Variants in NTM observed in about 807,000 individuals in gnomAD.
NTM encodes the protein neurotrimin.
NTM carries 13 observed loss-of-function variants against 42.1 expected under a neutral mutation model. The ratio of observed to expected loss-of-function variants is 0.31; its 90% CI spans 0.20 to 0.49. The LOEUF (loss-of-function observed/expected upper bound fraction) is 0.49, where lower values mean the gene tolerates loss of function less well. Ranked by LOEUF, NTM falls within the 20% of genes least tolerant of loss-of-function variation. NTM has a pLI of 0.99. For synonymous variants in NTM, 187 were observed against 179.2 expected, an observed-to-expected ratio of 1.04 and a Z score of -0.35; for missense variants, 373 against 452.8, an observed-to-expected ratio of 0.82 and a Z score of 1.60.
At position 131,599,334 on chromosome 11, in the gene NTM, GCC is replaced by G. The variant is rs1173932534; in HGVS notation, c.82+228448_82+228449del. ...CCTGTCTACCCAGTCTCCGGCAGAT[GCC>G]CTGTCTACCCAGTCTCCGGCAGATG... On this transcript the variant is annotated intron_variant, in intron 1 of 8. Transcript: ENST00000683400. Among the ~76,000 whole-genome samples, 4 of 151,944 alleles carry G rather than the reference GCC, an allele frequency of 2.6e-5. 1 individual carries two copies. The East Asian group carries it at 5.8e-4, about 22-fold the overall frequency.
intron 2 of NTM, among the ~76,000 whole-genome samples, chr11:132,032,859 T>C (rs554569103): frequency 6.6e-6 from 1 of 152,312 alleles, no homozygotes; most frequent in South Asian, 2.1e-4. Flanking sequence ...GTGTATATAT[T>C]TTTCCCTAAC....
intron 1 of NTM, among the ~76,000 whole-genome samples, chr11:131,627,956 C>T (rs1592278475): frequency 6.6e-6 from 1 of 152,292 alleles, no homozygotes; most frequent in East Asian, 1.9e-4. Context: ...GGAAATAGAA[C>T]TTCCATAGAG....
At chr11:132,044,781 C>T (rs139435059) in intron 2 of NTM, among the ~76,000 whole-genome samples, 2,579 of 152,114 alleles carry the variant, frequency 0.017, 62 homozygotes, top group African/African-American at 0.056. Flanking sequence ...AAAATCTAGA[C>T]GAAATGGATA....
intron 1 of NTM, among the ~76,000 whole-genome samples, chr11:131,754,574 G>A (rs1409543723): frequency 2.7e-5 from 4 of 150,836 alleles, no homozygotes; most frequent in East Asian, 1.9e-4. Flanking sequence ...GCAGTGAGCC[G>A]AGATTGCACC....
intron 1 of NTM, among the ~76,000 whole-genome samples, chr11:131,820,105 G>C (rs904121165): frequency 2.0e-5 from 3 of 152,162 alleles, no homozygotes; most frequent in African/African-American, 7.2e-5. Flanking sequence ...AGCCCGCTGA[G>C]AGAAATAATA....
chr11:131,708,967 C>T (rs1263362688), intron 1 of NTM, among the ~76,000 whole-genome samples: 1 of 152,140 alleles, frequency 6.6e-6, no homozygotes, highest in Non-Finnish European at 1.5e-5. Context: ...TAACGGTCCT[C>T]ACTTGGAAGG....
chr11:132,126,459 A>G (rs1291020414), intron 2 of NTM, among the ~76,000 whole-genome samples: 1 of 152,162 alleles, frequency 6.6e-6, no homozygotes, highest in African/African-American at 2.4e-5. Flanking sequence ...AGAGGCTGAC[A>G]AAATGAGGCG....
Position 132,047,307 on chromosome 11 carries a change from C to G in NTM, c.168-98975C>G, listed in dbSNP as rs188506692. Among the ~76,000 whole-genome samples the G allele has an allele frequency of 3.3e-5, 5 of 152,338 alleles. No individual in the cohort carries two copies. The East Asian group carries it at 9.6e-4, about 29-fold the overall frequency. ...ATTTCACACAAAGTCTCCAGGCCAGCCTGATGCTGAATTCTGAATATCCCT... is the reference window on the plus strand; with the variant it reads ...ATTTCACACAAAGTCTCCAGGCCAGGCTGATGCTGAATTCTGAATATCCCT... On this transcript the variant is annotated intron_variant, in intron 2 of 8. Coordinates refer to ENST00000683400, the MANE Select transcript of NTM (RefSeq NM_001352005.2).
intron 2 of NTM, among the ~76,000 whole-genome samples, chr11:131,958,696 A>G (rs1253022205): frequency 1.3e-5 from 2 of 152,184 alleles, no homozygotes; most frequent in African/African-American, 4.8e-5. Context: ...TTGGCCTCCC[A>G]CAAACCAAGC....
intron 1 of NTM, among the ~76,000 whole-genome samples, chr11:131,543,333 C>T (rs1430028782): frequency 2.6e-5 from 4 of 152,174 alleles, no homozygotes; most frequent in Admixed American, 6.6e-5. Context: ...AGCATCACTT[C>T]CAGAGAAACA....
At chr11:131,414,994 A>G (rs1946796661) in intron 1 of NTM, among the ~76,000 whole-genome samples, 1 of 152,190 alleles carries the variant, frequency 6.6e-6, no homozygotes. Flanking sequence ...TCCTAGTGTG[A>G]ACAATTGTGA....
intron 1 of NTM, among the ~76,000 whole-genome samples, chr11:131,713,342 C>T (rs1187030851): frequency 6.6e-6 from 1 of 152,170 alleles, no homozygotes; most frequent in Non-Finnish European, 1.5e-5. Context: ...AGTTCTCTCT[C>T]CAACCATTTC....
intron 2 of NTM, among the ~76,000 whole-genome samples, chr11:131,979,090 C>T (rs1304584085): frequency 6.6e-6 from 1 of 151,982 alleles, no homozygotes; most frequent in Non-Finnish European, 1.5e-5. Context: ...ATTCTTGAAT[C>T]CATGAAGCTA....
At chr11:132,181,415 G>A (rs1207815074) in intron 3 of NTM, among the ~76,000 whole-genome samples, 3 of 152,176 alleles carry the variant, frequency 2.0e-5, no homozygotes, top group Non-Finnish European at 4.4e-5. Flanking sequence ...ATTACAAGTT[G>A]TCTATTGAGA....
rs554499193 is a variant in NTM at position 132,304,675 on chromosome 11, G to A, written c.527-3014G>A. Among the ~76,000 whole-genome samples, 4 of 152,272 alleles carry A rather than the reference G, an allele frequency of 2.6e-5. No individual in the cohort carries two copies. In the East Asian group the frequency reaches 7.7e-4, roughly 29 times the overall value. On this transcript the variant is annotated intron_variant, in intron 4 of 8. Transcript: ENST00000683400. ...TCTGGTTTTGCCATATATGCCTCTA[G>A]TAGAGAAAAAGGTGGGTGAGGAGAA...
chr11:132,026,908 A>G (rs1160434358), intron 2 of NTM, among the ~76,000 whole-genome samples: 1 of 152,198 alleles, frequency 6.6e-6, no homozygotes, highest in Non-Finnish European at 1.5e-5. Context: ...CATTGTTTCT[A>G]TCCTCATGTT....
At chr11:131,457,727 C>T (rs550552874) in intron 1 of NTM, among the ~76,000 whole-genome samples, 1 of 152,058 alleles carries the variant, frequency 6.6e-6, no homozygotes. Context: ...GTCCTCCCCC[C>T]CCAAATTTAT....
At chr11:131,662,671 G>A (rs943438787) in intron 1 of NTM, among the ~76,000 whole-genome samples, 23 of 152,274 alleles carry the variant, frequency 1.5e-4, no homozygotes, top group African/African-American at 4.3e-4. Context: ...GTTTTTGAGC[G>A]TGTTCACAGA....
chr11:132,097,509 C>T (rs1253871362), intron 2 of NTM, among the ~76,000 whole-genome samples: 2 of 152,206 alleles, frequency 1.3e-5, no homozygotes, highest in Admixed American at 6.5e-5. Flanking sequence ...AAGACGACTT[C>T]CATCTCTTCT....
Sources: gnomAD v4.1 joint callset for allele counts (sites outside exome capture counted in the v4.1 genomes callset) on GRCh38, gnomAD v4.1.1 for gene constraint, MANE v1.5 for transcripts, NCBI Gene and HGNC (gene_info 2026-07-23, HGNC 2026-07-21) for gene names.